Variants in KCNH1 observed in about 807,000 individuals in gnomAD.
KCNH1 encodes potassium voltage-gated channel subfamily H member 1.
KCNH1 carries 27 observed loss-of-function variants against 69.2 expected under a neutral mutation model. That is an observed-to-expected ratio of 0.39 (90% CI 0.29 to 0.54). KCNH1 has a LOEUF of 0.54. KCNH1 is among the 20% of genes least tolerant of loss of function. The pLI is 0.68. For synonymous variants in KCNH1, 456 were observed against 487.7 expected (o/e 0.93, Z 0.86); for missense variants, 798 against 1,261.6 (o/e 0.63, Z 5.57).
intron 10 of KCNH1, among the ~76,000 whole-genome samples, chr1:210,743,826 T>C (rs1276561557): frequency 6.6e-6 from 1 of 152,204 alleles, no homozygotes; most frequent in Non-Finnish European, 1.5e-5. Context: ...TGTCCCATAA[T>C]AACTCTGGGA....
At chr1:210,988,461 G>C (rs1437413083) in intron 6 of KCNH1, among the ~76,000 whole-genome samples, 1 of 152,118 alleles carries the variant, frequency 6.6e-6, no homozygotes, top group Non-Finnish European at 1.5e-5. Context: ...CTTTATTATT[G>C]CAAGATATGC....
chr1:210,929,640 G>A (rs1275254206), intron 6 of KCNH1, among the ~76,000 whole-genome samples: 6 of 152,090 alleles, frequency 3.9e-5, no homozygotes, highest in South Asian at 2.1e-4. Context: ...GCCCACTTTC[G>A]CCACTTCTAT....
At chr1:210,939,101 C>G (rs907117081) in intron 6 of KCNH1, among the ~76,000 whole-genome samples, 2 of 152,152 alleles carry the variant, frequency 1.3e-5, no homozygotes, top group Non-Finnish European at 2.9e-5. Flanking sequence ...CTCCTCTAGG[C>G]TCCCATGAAT....
In KCNH1 at chr1:210,880,052, G is replaced by A. The variant is rs190545979; in HGVS notation, c.1462+39588C>T. Among the ~76,000 whole-genome samples the A allele has an allele frequency of 2.9e-3, 439 of 152,220 alleles. 4 individuals carry two copies. The highest frequency in any genetic ancestry group is 0.01 in the African/African-American group (417 of 41,558). On this transcript the variant is annotated intron_variant, in intron 7 of 10. Coordinates refer to ENST00000271751, the MANE Select transcript of KCNH1 (RefSeq NM_172362.3). ...TCAAACGAATGTGTTTAAGATCTATGTGAGGAAAACTACAAAACTCTTATG... is the reference window on the plus strand; with the variant it reads ...TCAAACGAATGTGTTTAAGATCTATATGAGGAAAACTACAAAACTCTTATG...
In KCNH1 at chr1:211,018,979, T is replaced by G; in HGVS notation, c.836A>C (p.Glu279Ala). 6.2e-7 allele frequency: 1 copy of G among 1,613,946 alleles called. No individual in the cohort carries two copies. The highest frequency in any genetic ancestry group is 1.1e-5 in the South Asian group (1 of 91,066). ...GATAAGTTTGGGGTCAGAAATCACC[T>G]CCCCTGCTGGTCCAACAAAGGTGGT... is the stretch of plus-strand genomic sequence containing the variant. ...FHTTFVGPAG[E>A]VISDPKLIRM... Residue 279 changes from glutamate to alanine, a missense_variant, in exon 6 of 11, where the codon GAG becomes GCG. This residue lies in a region of KCNH1 where 266 missense variants were observed against 457.2 expected (regional missense o/e 0.58). Coordinates refer to ENST00000271751, the MANE Select transcript of KCNH1 (RefSeq NM_172362.3).
chr1:210,918,096 T>A (rs1209057366), intron 7 of KCNH1, among the ~76,000 whole-genome samples: 1 of 152,196 alleles, frequency 6.6e-6, no homozygotes, highest in Non-Finnish European at 1.5e-5. Flanking sequence ...AGAGGGCTTT[T>A]ATGAAAGGAC....
chr1:210,911,219 T>C (rs1475381432), intron 7 of KCNH1, among the ~76,000 whole-genome samples: 1 of 152,036 alleles, frequency 6.6e-6, no homozygotes, highest in Non-Finnish European at 1.5e-5. Flanking sequence ...CCCACGGCTC[T>C]TCCCAAATAA....
At chr1:211,003,648 A>AGGAGGAAGAGGAGGAGAAAG (rs1244910497) in intron 6 of KCNH1, among the ~76,000 whole-genome samples, 1 of 152,218 alleles carries the variant, frequency 6.6e-6, no homozygotes, top group Non-Finnish European at 1.5e-5. Flanking sequence ...ATGAAAGAGA[A>AGGAGGAAGAGGAGGAGAAAG]GGAGGAAGAG....
At chr1:210,993,911 A>C (rs1162922546) in intron 6 of KCNH1, among the ~76,000 whole-genome samples, 2 of 152,120 alleles carry the variant, frequency 1.3e-5, no homozygotes, top group Non-Finnish European at 2.9e-5. Context: ...AGTAGTCAGA[A>C]GGTAATATAA....
rs143347176 is a variant in KCNH1 at position 210,943,848 on chromosome 1, C to T, written c.1033-23779G>A. ...GGGCTCTTACAAGGTAACCTGAAGACAGGCAGAATGGTGTCCTGGGACTAC... is the reference window on the plus strand; with the variant it reads ...GGGCTCTTACAAGGTAACCTGAAGATAGGCAGAATGGTGTCCTGGGACTAC... On this transcript the variant is annotated intron_variant, in intron 6 of 10. Transcript: ENST00000271751. Among the ~76,000 whole-genome samples, 779 of 152,296 alleles carry T rather than the reference C, an allele frequency of 5.1e-3. 10 individuals are homozygous for T. Among genetic ancestry groups the T allele is most frequent in the African/African-American group, 0.018 (740 of 41,568 alleles).
In KCNH1 at chr1:210,919,423, T is replaced by C; in HGVS notation, c.1462+217A>G. The C allele has an allele frequency of 1.8e-6, 1 of 554,132 alleles. No homozygotes were observed. Among genetic ancestry groups the C allele is most frequent in the Non-Finnish European group, 3.2e-6 (1 of 310,798 alleles). The allele number at this position is 554,132 out of a possible 1,614,324, so 34.3% of individuals were successfully genotyped here. The stretch of plus-strand genomic sequence containing the variant: ...CTCTGAAAAGCAGAATTATGGATAG[T>C]CTTTACTTTCTACTTTGCACTCTTT... On this transcript the variant is annotated intron_variant, in intron 7 of 10. Transcript: ENST00000271751. The surrounding 1 kb of genome is among the most constrained non-coding windows in gnomAD (Gnocchi z 4.2).
At chr1:211,039,963 G>T (rs1434237629) in intron 5 of KCNH1, among the ~76,000 whole-genome samples, 1 of 152,184 alleles carries the variant, frequency 6.6e-6, no homozygotes, top group Non-Finnish European at 1.5e-5. Flanking sequence ...GCTGAGGCAG[G>T]TGGATCACGA....
chr1:210,804,212 G>T, intron 7 of KCNH1, 46 bp from the exon 8 acceptor site: 2 of 1,513,766 alleles, frequency 1.3e-6, no homozygotes, highest in Non-Finnish European at 1.8e-6. Context: ...CAAGTTAGTG[G>T]TCCCTGAGCC....
At chr1:211,057,405 G>A (rs1220192239) in intron 5 of KCNH1, among the ~76,000 whole-genome samples, 1 of 152,152 alleles carries the variant, frequency 6.6e-6, no homozygotes, top group Admixed American at 6.6e-5. Flanking sequence ...GGAGGCCAAG[G>A]CAGGCAGATC....
At chr1:210,904,814 A>G (rs1687069502) in intron 7 of KCNH1, among the ~76,000 whole-genome samples, 1 of 152,242 alleles carries the variant, frequency 6.6e-6, no homozygotes, top group Admixed American at 6.5e-5. Flanking sequence ...TAAGCCTGTC[A>G]ATCACTCTGC....
At position 210,860,030 on chromosome 1, in the gene KCNH1, C is replaced by T; in HGVS notation, c.1463-55864G>A. The stretch of plus-strand genomic sequence containing the variant: ...AGGGAATGCACTGGTCAACGTGACG[C>T]CCTTTGCACTGCAGAACGATGACCT... On this transcript the variant is annotated intron_variant, in intron 7 of 10. Coordinates refer to ENST00000271751, the MANE Select transcript of KCNH1 (RefSeq NM_172362.3). 6 of 1,520,702 alleles carry T rather than the reference C, an allele frequency of 3.9e-6. No homozygotes were observed. In the South Asian group the frequency reaches 5.6e-5, roughly 14 times the overall value. The allele number at this position is 1,520,702 out of a possible 1,614,324, so 94.2% of individuals were successfully genotyped here.
Position 210,999,242 on chromosome 1 carries a change from A to T in KCNH1, c.1032+19541T>A, listed in dbSNP as rs181870391. On this transcript the variant is annotated intron_variant, in intron 6 of 10. Transcript: ENST00000271751. ...ATCCAGGGGCTGGTTTTTTGAAAAGATCAACAAAATTGATAGTCTGCTAGC... is the reference window on the plus strand; with the variant it reads ...ATCCAGGGGCTGGTTTTTTGAAAAGTTCAACAAAATTGATAGTCTGCTAGC... Among the ~76,000 whole-genome samples, 257 of 152,356 alleles carry T rather than the reference A, an allele frequency of 1.7e-3. 8 individuals are homozygous for T. Among genetic ancestry groups the T allele is most frequent in the Admixed American group, 0.014 (212 of 15,304 alleles).
At chr1:210,966,394 T>C (rs1439233035) in intron 6 of KCNH1, among the ~76,000 whole-genome samples, 1 of 152,152 alleles carries the variant, frequency 6.6e-6, no homozygotes, top group Non-Finnish European at 1.5e-5. Flanking sequence ...GGGATTTAAT[T>C]AGACTAAAGA....
At position 210,842,809 on chromosome 1, in the gene KCNH1, A is replaced by G. The variant is rs950717147; in HGVS notation, c.1463-38643T>C. On this transcript the variant is annotated intron_variant, in intron 7 of 10. Coordinates refer to ENST00000271751, the MANE Select transcript of KCNH1 (RefSeq NM_172362.3). ...CTTCTATAACAAACCCTATAGCTAA[A>G]GTTGTTTTTTTTCAGTGATGGAAGT... 5.0e-4 allele frequency among the ~76,000 whole-genome samples: 76 copies of G among 152,220 alleles called. 1 individual carries two copies. The highest frequency in any genetic ancestry group is 1.8e-3 in the African/African-American group (74 of 41,554).
Sources: allele counts gnomAD v4.1 joint callset (sites outside exome capture counted in the v4.1 genomes callset), GRCh38; gene constraint gnomAD v4.1.1; regional missense constraint gnomAD v4.1.1; non-coding constraint Gnocchi (gnomAD v3.1); transcripts MANE v1.5; gene names NCBI Gene and HGNC (gene_info 2026-07-23, HGNC 2026-07-21).